Variants in PZP observed in about 807,000 individuals in gnomAD.
PZP encodes PZP alpha-2-macroglobulin like.
A neutral mutation model predicts 179.8 loss-of-function variants in PZP; 150 were observed. The observed-to-expected ratio is 0.83, with a 90% CI of 0.73 to 0.96. The LOEUF (loss-of-function observed/expected upper bound fraction) is 0.96, where lower values mean the gene tolerates loss of function less well. Among genes scored for constraint, PZP ranks in the 40% least tolerant of loss-of-function variants. The pLI is 0.00. For synonymous variants in PZP, 624 were observed against 652.3 expected (o/e 0.96, Z 0.66); for missense variants, 1,689 against 1,764.0 (o/e 0.96, Z 0.76).
chr12:9,149,746 C>T (rs766545461), intron 34 of PZP, 144 bp from the exon 35 acceptor site: 18 of 665,398 alleles, frequency 2.7e-5, no homozygotes, highest in Non-Finnish European at 4.3e-5. Context: ...AAGAATTAAA[C>T]AGGATCATTA....
intron 10 of PZP, 113 bp from the exon 11 acceptor site, chr12:9,194,351 A>C (rs770849203): frequency 1.2e-6 from 1 of 843,590 alleles, no homozygotes; most frequent in East Asian, 2.6e-5. Context: ...CCCCTCAAAA[A>C]AACCCCACCA....
Position 9,163,693 on chromosome 12 carries a change from G to A in PZP, c.2711C>T (p.Thr904Ile), listed in dbSNP as rs761415508. ...CTCCACCAACAGGGTTTTGATGACT[G>A]TGTCTTTTCTTTTAATCTCAGGGAC... ...VEVPEIKRKD[T>I]VIKTLLVEAE... Residue 904 changes from threonine (T) to isoleucine (I), a missense_variant, in exon 21 of 36, where the codon ACA becomes ATA. Physicochemically the swap from Thr to Ile is moderately conservative, Grantham distance 89 (BLOSUM62 -1). Coordinates refer to ENST00000261336, the MANE Select transcript of PZP (RefSeq NM_002864.3). 3.7e-6 allele frequency: 6 copies of A among 1,613,754 alleles called. No individual in the cohort carries two copies. Among genetic ancestry groups the A allele is most frequent in the Non-Finnish European group, 4.2e-6 (5 of 1,179,890 alleles).
chr12:9,162,127 A>G (rs1299655642), intron 22 of PZP, among the ~76,000 whole-genome samples: 1 of 151,900 alleles, frequency 6.6e-6, no homozygotes, highest in Admixed American at 6.6e-5. Flanking sequence ...AGGCCTGGCT[A>G]ATTTTTGTTT....
downstream of PZP, among the ~76,000 whole-genome samples, chr12:9,146,651 G>A (rs778144325): frequency 2.0e-5 from 3 of 152,292 alleles, no homozygotes; most frequent in African/African-American, 4.8e-5. Flanking sequence ...TATAGGAGAA[G>A]GTTCCTATCA....
chr12:9,156,989 T>A (rs939223288), intron 28 of PZP, among the ~76,000 whole-genome samples, 186 bp downstream of exon 28: 1 of 152,192 alleles, frequency 6.6e-6, no homozygotes, highest in African/African-American at 2.4e-5. Context: ...GTTTGTTACA[T>A]AGGTGTGCCA....
At position 9,163,681 on chromosome 12, in the gene PZP, G is replaced by A; in HGVS notation, c.2723C>T (p.Thr908Ile). 2 of 1,613,760 alleles carry A rather than the reference G, an allele frequency of 1.2e-6. No individual in the cohort carries two copies. The highest frequency in any genetic ancestry group is 1.3e-5 in the African/African-American group (1 of 75,026). Residue 908 changes from threonine to isoleucine, a missense_variant, in exon 21 of 36, where the codon ACC (threonine) becomes ATC (isoleucine). Transcript: ENST00000261336. ...AAAATATGTTACCTCCACCAACAGGGTTTTGATGACTGTGTCTTTTCTTTT... is the reference window on the plus strand; with the variant it reads ...AAAATATGTTACCTCCACCAACAGGATTTTGATGACTGTGTCTTTTCTTTT... Reference protein sequence around the residue: ...EIKRKDTVIKTLLVEAEGIEQ... With the variant: ...EIKRKDTVIKILLVEAEGIEQ...
At chr12:9,205,566 CAAATCAGTA>C (rs1819089498) in intron 1 of PZP, among the ~76,000 whole-genome samples, 2 of 152,142 alleles carry the variant, frequency 1.3e-5, no homozygotes, top group Admixed American at 1.3e-4. Context: ...GCCCCCATGC[CAAATCAGTA>C]AAATCAGTAA....
intron 15 of PZP, among the ~76,000 whole-genome samples, chr12:9,171,050 C>T (rs772165977): frequency 1.1e-4 from 17 of 152,160 alleles, no homozygotes; most frequent in Admixed American, 3.9e-4. Context: ...CCTGACTGGG[C>T]GAGACCTCCC....
chr12:9,143,335 G>A, the PZP span, among the ~76,000 whole-genome samples: 3 of 152,178 alleles, frequency 2.0e-5, no homozygotes, highest in African/African-American at 7.2e-5. Context: ...TTGACTGGTT[G>A]AAGCAGTTTT....
intron 27 of PZP, 117 bp downstream of exon 27, chr12:9,157,650 A>C: frequency 1.1e-6 from 1 of 921,134 alleles, no homozygotes; most frequent in Non-Finnish European, 1.7e-6. Context: ...TATCAGTCTG[A>C]GAAATCCCTC....
At chr12:9,175,684 C>T (rs10843043) in intron 15 of PZP, among the ~76,000 whole-genome samples, 90,294 of 152,038 alleles carry the variant, frequency 0.59, 27,751 homozygotes, top group East Asian at 0.83. Context: ...AACATACATA[C>T]AGCCAACAAA....
intron 18 of PZP, 115 bp from the exon 19 acceptor site, chr12:9,165,482 G>T: frequency 8.4e-7 from 1 of 1,185,902 alleles, no homozygotes; most frequent in Non-Finnish European, 1.2e-6. Flanking sequence ...AAGGGTATAT[G>T]CGAGTGTGCA....
At position 9,194,109 on chromosome 12, in the gene PZP, T is replaced by C; in HGVS notation, c.1222A>G (p.Thr408Ala). The C allele has an allele frequency of 1.2e-6, 2 of 1,613,950 alleles. No homozygotes were observed. Among genetic ancestry groups the C allele is most frequent in the Admixed American group, 3.3e-5 (2 of 60,010 alleles). ...AAAAGTTTATTAACCGAGATACTGG[T>C]AGTATTGATTGAAAACTGTGCAAGA... is the stretch of plus-strand genomic sequence containing the variant. The part of the protein sequence containing the change: ...QGLAQFSINT[T>A]SISVNKLFVR... Residue 408 changes from threonine (T) to alanine (A), a missense_variant, in exon 11 of 36, where the codon ACC (threonine) becomes GCC (alanine). Physicochemically the swap from Thr to Ala is moderately conservative, Grantham distance 58. Around this residue, in one of 3 missense-constraint regions of PZP, gnomAD observed 742 missense variants for 730.5 expected, o/e 1.02. Coordinates refer to ENST00000261336, the MANE Select transcript of PZP (RefSeq NM_002864.3).
chr12:9,194,661 T>G (rs1032232556), intron 10 of PZP, among the ~76,000 whole-genome samples: 1 of 152,036 alleles, frequency 6.6e-6, no homozygotes, highest in African/African-American at 2.4e-5. Flanking sequence ...AGACGGGGTT[T>G]CACCATGTTA....
downstream of PZP, among the ~76,000 whole-genome samples, chr12:9,146,320 G>A (rs1178402203): frequency 6.6e-6 from 1 of 151,464 alleles, no homozygotes; most frequent in Non-Finnish European, 1.5e-5. Context: ...AACTCTTATA[G>A]TGAATTTTTA....
intron 17 of PZP, among the ~76,000 whole-genome samples, chr12:9,167,913 G>T (rs891851523): frequency 3.9e-5 from 6 of 152,016 alleles, no homozygotes; most frequent in African/African-American, 1.2e-4. Context: ...TAACATCTCA[G>T]TTACAAGACA....
At chr12:9,192,451 C>T in intron 12 of PZP, 61 bp downstream of exon 12, 1 of 1,473,956 alleles carries the variant, frequency 6.8e-7, no homozygotes. Flanking sequence ...CATTCCTGAG[C>T]CTATTGACCA....
chr12:9,154,744 A>T lies in PZP; in HGVS notation c.3646T>A (p.Ser1216Thr), dbSNP rs755150104. Residue 1216 changes from serine to threonine, a missense_variant, in exon 29 of 36, where the codon TCC (serine) becomes ACC (threonine). By Grantham distance (58) the Ser-to-Thr change is moderately conservative (BLOSUM62 1). Around this residue, in one of 3 missense-constraint regions of PZP, gnomAD observed 746 missense variants for 749.2 expected, o/e 1.00. Coordinates refer to ENST00000261336, the MANE Select transcript of PZP (RefSeq NM_002864.3). ...GTGAGATAAGCGAGGAGCACATAGG[A>T]TGTCATCTCCACCTCAGCAGAGGGA... is the stretch of plus-strand genomic sequence containing the variant. ...QAPSAEVEMT[S>T]YVLLAYLTAQ... is the part of the protein sequence containing the mutation. 9 of 1,614,038 alleles carry T rather than the reference A, an allele frequency of 5.6e-6. No homozygotes were observed. In the Admixed American group the frequency reaches 1.0e-4, roughly 18 times the overall value.
Position 9,164,188 on chromosome 12 carries a change from A to G in PZP, c.2559T>C (p.Cys853=). Reference sequence around the variant, plus strand: ...AGGTTTGTCTCTCATTTCCACAGATACAATAGGATTCTTCTCCCTTTGTAT... The same window carrying G: ...AGGTTTGTCTCTCATTTCCACAGATGCAATAGGATTCTTCTCCCTTTGTAT... ...SQNTKGEESY[C]ICGNERQTLS... The change falls in exon 20 of 36, where the codon TGT becomes TGC. Residue 853 remains cysteine (C), a synonymous_variant. Transcript: ENST00000261336. 1 of 1,610,168 alleles carries G rather than the reference A, an allele frequency of 6.2e-7. No individual in the cohort carries two copies. The highest frequency in any genetic ancestry group is 8.5e-7 in the Non-Finnish European group (1 of 1,176,364).
Sources: gnomAD v4.1 joint callset for allele counts (sites outside exome capture counted in the v4.1 genomes callset) on GRCh38, gnomAD v4.1.1 for gene constraint, gnomAD v4.1.1 regional missense constraint, MANE v1.5 for transcripts, NCBI Gene and HGNC (gene_info 2026-07-23, HGNC 2026-07-21) for gene names.